Variants in FNIP1 observed in about 807,000 individuals in gnomAD.
FNIP1 encodes the protein folliculin-interacting protein 1.
Under a neutral mutation model 124.5 loss-of-function variants are expected in FNIP1, and 40 were observed. The ratio of observed to expected loss-of-function variants is 0.32; its 90% CI spans 0.25 to 0.42. The LOEUF (loss-of-function observed/expected upper bound fraction) is 0.42, where lower values mean the gene tolerates loss of function less well. Ranked by LOEUF, FNIP1 falls within the 10% of genes least tolerant of loss-of-function variation. FNIP1 has a pLI of 1.00. For synonymous variants in FNIP1, 472 were observed against 470.6 expected (o/e 1.00, Z -0.04); for missense variants, 1,176 against 1,403.7 (o/e 0.84, Z 2.59).
At chr5:131,764,739 CAATT>C (rs1193782537) in intron 1 of FNIP1, among the ~76,000 whole-genome samples, 1 of 152,016 alleles carries the variant, frequency 6.6e-6, no homozygotes, top group African/African-American at 2.4e-5. Context: ...ACACATGCAT[CAATT>C]ATTTACTGTT....
intron 10 of FNIP1, 69 bp downstream of exon 10, chr5:131,703,988 CAAATTAAT>C: frequency 7.8e-7 from 1 of 1,274,582 alleles, no homozygotes; most frequent in Non-Finnish European, 1.1e-6. Flanking sequence ...ATTTTTCTGC[CAAATTAAT>C]AAATATAATG....
chr5:131,677,658 AC>A (rs773179463), intron 13 of FNIP1, 44 bp downstream of exon 13: 1 of 1,502,748 alleles, frequency 6.7e-7, no homozygotes, highest in South Asian at 1.3e-5. Context: ...ACAGATAGCT[AC>A]AAAAAAGTCT....
chr5:131,693,232 TAA>T lies in FNIP1; in HGVS notation c.1202+5683_1202+5684del, dbSNP rs1469195993. On this transcript the variant is annotated intron_variant, in intron 11 of 17. Transcript: ENST00000510461. Reference sequence around the variant, plus strand: ...TATCAAAACATCATTTTATACACTATAAAGATACACAATTTTTACCTGTCAAC... The same window carrying T: ...TATCAAAACATCATTTTATACACTATAGATACACAATTTTTACCTGTCAAC... Among the ~76,000 whole-genome samples, 7 of 134,344 alleles carry T rather than the reference TAA, an allele frequency of 5.2e-5. No individual in the cohort carries two copies. In the East Asian group the frequency reaches 1.5e-3, roughly 29 times the overall value. The allele number at this position is 134,344 out of a possible 152,430, so 88.1% of individuals were successfully genotyped here. A position where few individuals can be genotyped will look rare whatever the true frequency, so the allele number is the denominator to read the frequency against.
chr5:131,705,383 G>C (rs569351940), intron 9 of FNIP1, among the ~76,000 whole-genome samples: 30 of 152,212 alleles, frequency 2.0e-4, no homozygotes, highest in Admixed American at 3.9e-4. Context: ...TGAGGTGGAA[G>C]GATCACCTGA....
At chr5:131,718,965 C>T (rs748315040) in intron 5 of FNIP1, 21 bp downstream of exon 5, 1 of 1,595,246 alleles carries the variant, frequency 6.3e-7, no homozygotes, top group East Asian at 2.2e-5. Context: ...TACATTTCCC[C>T]CTGTATCCAT....
At chr5:131,649,532 T>G (rs568016849) in intron 16 of FNIP1, among the ~76,000 whole-genome samples, 1 of 152,152 alleles carries the variant, frequency 6.6e-6, no homozygotes, top group African/African-American at 2.4e-5. Flanking sequence ...GTTGTAGGAG[T>G]TATTTATATA....
intron 1 of FNIP1, among the ~76,000 whole-genome samples, chr5:131,790,393 G>A (rs1772366242): frequency 6.9e-6 from 1 of 143,970 alleles, no homozygotes; most frequent in Non-Finnish European, 1.5e-5. Context: ...GTGGGGAGAT[G>A]GCTTAAGCCC....
Position 131,716,592 on chromosome 5 carries a change from C to T in FNIP1, c.595G>A (p.Val199Ile), listed in dbSNP as rs138285216. 1.7e-4 allele frequency: 270 copies of T among 1,605,654 alleles called. No individual in the cohort carries two copies. The highest frequency in any genetic ancestry group is 1.5e-4 in the Non-Finnish European group (177 of 1,176,070). Residue 199 changes from valine to isoleucine, a missense_variant, in exon 6 of 18, where the codon GTT becomes ATT. Physicochemically the swap from Val to Ile is conservative, Grantham distance 29. Coordinates refer to ENST00000510461, the MANE Select transcript of FNIP1 (RefSeq NM_133372.3). The stretch of plus-strand genomic sequence containing the variant: ...ATATTTCCAAGCAGTCCATTAATAA[C>T]TGTGTTATTATCAGCCTTTAATGTA... ...NNTLKADNNT[V>I]INGLLGNIGL...
intron 14 of FNIP1, 113 bp downstream of exon 14, chr5:131,671,392 A>G (rs1767743897): frequency 2.3e-6 from 2 of 888,832 alleles, no homozygotes; most frequent in African/African-American, 3.4e-5. Flanking sequence ...TATGAAAACA[A>G]GAGAGCTATC....
chr5:131,768,708 A>G (rs1771525800), intron 1 of FNIP1, among the ~76,000 whole-genome samples: 1 of 152,170 alleles, frequency 6.6e-6, no homozygotes, highest in African/African-American at 2.4e-5. Context: ...CTGAGGCAGG[A>G]GAATTGCTTG....
intron 1 of FNIP1, among the ~76,000 whole-genome samples, chr5:131,778,007 C>T (rs991288161): frequency 6.6e-6 from 1 of 152,108 alleles, no homozygotes; most frequent in African/African-American, 2.4e-5. Context: ...GGTTGACACC[C>T]CATAAACCTA....
intron 1 of FNIP1, among the ~76,000 whole-genome samples, chr5:131,762,722 T>G (rs1771272946): frequency 6.6e-6 from 1 of 152,102 alleles, no homozygotes; most frequent in Non-Finnish European, 1.5e-5. Flanking sequence ...AATTACTGTA[T>G]GATACAGCAA....
intron 15 of FNIP1, among the ~76,000 whole-genome samples, chr5:131,654,811 T>C (rs867576932): frequency 2.6e-5 from 4 of 152,112 alleles, no homozygotes; most frequent in African/African-American, 9.7e-5. Flanking sequence ...GCTACATTTG[T>C]GAGAAATGAT....
chr5:131,762,180 C>A (rs1014905143), intron 1 of FNIP1, among the ~76,000 whole-genome samples: 4 of 152,056 alleles, frequency 2.6e-5, no homozygotes, highest in Non-Finnish European at 4.4e-5. Context: ...GAGAACTCTC[C>A]AGGATATTGA....
In FNIP1 at chr5:131,688,289, T is replaced by TAA. The variant is rs565453128; in HGVS notation, c.1203-9116_1203-9115dup. 8.7e-3 allele frequency among the ~76,000 whole-genome samples: 1,035 copies of TAA among 118,878 alleles called. 14 individuals carry two copies. The highest frequency in any genetic ancestry group is 0.026 in the African/African-American group (949 of 35,936). 78.0% of individuals were successfully genotyped at this position (118,878 alleles called of 152,430 possible). A position where few individuals can be genotyped will look rare whatever the true frequency, so the allele number is the denominator to read the frequency against. The stretch of plus-strand genomic sequence containing the variant: ...AAACCAAAGAAAGAGGAGTTTAAAA[T>TAA]AAAAAAAAAAAAAAGGAAACTATGG... On this transcript the variant is annotated intron_variant, in intron 11 of 17. Transcript: ENST00000510461.
At chr5:131,701,707 G>A (rs764244852) in intron 10 of FNIP1, among the ~76,000 whole-genome samples, 6 of 151,992 alleles carry the variant, frequency 3.9e-5, no homozygotes, top group East Asian at 1.9e-4. Context: ...CCATTCTAAC[G>A]GGTCTACCCA....
At chr5:131,747,082 A>G (rs1770708892) in intron 1 of FNIP1, among the ~76,000 whole-genome samples, 1 of 152,082 alleles carries the variant, frequency 6.6e-6, no homozygotes, top group African/African-American at 2.4e-5. Flanking sequence ...TTCTTTTGAG[A>G]ACTGTCTGTT....
At chr5:131,743,408 A>G (rs1338460033) in intron 2 of FNIP1, among the ~76,000 whole-genome samples, 1 of 151,952 alleles carries the variant, frequency 6.6e-6, no homozygotes, top group East Asian at 1.9e-4. Flanking sequence ...AGAGAAGACC[A>G]AGGAGAGACC....
At chr5:131,647,295 TTC>T in intron 16 of FNIP1, 90 bp from the exon 17 acceptor site, 1 of 905,612 alleles carries the variant, frequency 1.1e-6, no homozygotes, top group Admixed American at 1.9e-5. Context: ...TTTTTGACAA[TTC>T]TGTTTGTTTA....
Sources: allele counts gnomAD v4.1 joint callset (sites outside exome capture counted in the v4.1 genomes callset), GRCh38; gene constraint gnomAD v4.1.1; transcripts MANE v1.5; gene names NCBI Gene and HGNC (gene_info 2026-07-23, HGNC 2026-07-21).